The following FOXK2 variants were observed in gnomAD, a reference collection of about 807,000 sequenced individuals.
FOXK2 encodes the protein forkhead box K2.
Under a neutral mutation model 53.3 loss-of-function variants are expected in FOXK2, and 24 were observed. The observed-to-expected ratio is 0.45, with a 90% CI of 0.33 to 0.63. The LOEUF is 0.63. Ranked by LOEUF, FOXK2 falls within the 30% of genes least tolerant of loss-of-function variation. The pLI, the probability that FOXK2 is intolerant of heterozygous loss-of-function variation, is 0.03. For missense variants in FOXK2, 952 were observed against 910.5 expected (o/e 1.05, Z -0.59); for synonymous variants, 505 against 407.1 (o/e 1.24, Z -2.89).
chr17:82,577,169 A>G, intron 4 of FOXK2: 1 of 933,548 alleles, frequency 1.1e-6, no homozygotes, highest in South Asian at 1.4e-5. Context: ...TCTCAAAAAA[A>G]GAAAAAGAAA....
chr17:82,578,986 C>T lies in FOXK2; in HGVS notation c.910-3755C>T, dbSNP rs536129327. On this transcript the variant is annotated intron_variant, in intron 4 of 8. Transcript: ENST00000335255. ...AATGACTCCACATCAGTCAGTACAG[C>T]CACAGCCTTCACTTCGGGGCTTGTT... Among the ~76,000 whole-genome samples the T allele has an allele frequency of 3.3e-4, 50 of 152,334 alleles. 1 individual carries two copies. In the South Asian group the frequency reaches 9.3e-3, roughly 28 times the overall value.
intron 1 of FOXK2, among the ~76,000 whole-genome samples, chr17:82,550,707 A>G (rs923079015): frequency 5.9e-5 from 9 of 151,816 alleles, no homozygotes; most frequent in Non-Finnish European, 1.2e-4. Context: ...GGGTTTCACC[A>G]TGTTAGCCAG....
chr17:82,536,250 C>G (rs2044519724), intron 1 of FOXK2, among the ~76,000 whole-genome samples: 1 of 152,202 alleles, frequency 6.6e-6, no homozygotes, highest in Admixed American at 6.5e-5. Context: ...AATCCAGCAT[C>G]TGGCCTTCCC....
Position 82,586,258 on chromosome 17 carries a change from G to A in FOXK2, c.1576+58G>A, listed in dbSNP as rs879233902. On this transcript the variant is annotated intron_variant, in intron 7 of 8. Transcript: ENST00000335255. ...CACAGGGAGGTGAAAGGTGGGCCGG[G>A]GGGGGAAAGGAGGAGAGGGGAGACC... 109 of 354,934 alleles carry A rather than the reference G, an allele frequency of 3.1e-4. 5 individuals are homozygous for A. Among genetic ancestry groups the A allele is most frequent in the African/African-American group, 1.7e-3 (57 of 33,300 alleles). 22.0% of individuals were successfully genotyped at this position (354,934 alleles called of 1,614,324 possible).
At chr17:82,592,187 G>A (rs1267099373) in intron 8 of FOXK2, among the ~76,000 whole-genome samples, 1 of 152,238 alleles carries the variant, frequency 6.6e-6, no homozygotes, top group African/African-American at 2.4e-5. Context: ...TTACAGGTAC[G>A]AGCCAGCATA....
At chr17:82,582,340 G>A (rs2143091941) in intron 4 of FOXK2, among the ~76,000 whole-genome samples, 1 of 152,272 alleles carries the variant, frequency 6.6e-6, no homozygotes, top group East Asian at 1.9e-4. Context: ...GCCTCCCGGG[G>A]CCCGTTCTGC....
intron 1 of FOXK2, among the ~76,000 whole-genome samples, chr17:82,561,847 G>A (rs889333333): frequency 2.0e-5 from 3 of 151,708 alleles, no homozygotes; most frequent in Non-Finnish European, 4.4e-5. Flanking sequence ...CGTAGCCTCC[G>A]ACCTCCACAG....
intron 1 of FOXK2, among the ~76,000 whole-genome samples, chr17:82,560,025 T>TA (rs1250959249): frequency 1.6e-4 from 19 of 119,018 alleles, no homozygotes; most frequent in Admixed American, 1.4e-3. Context: ...TTTTTTTTTT[T>TA]AATGGAGTCT....
intron 8 of FOXK2, among the ~76,000 whole-genome samples, chr17:82,592,261 G>A (rs747510208): frequency 1.3e-5 from 2 of 152,208 alleles, no homozygotes; most frequent in Non-Finnish European, 2.9e-5. Context: ...CCAGGGCCTC[G>A]CCTGCTCAGT....
chr17:82,557,037 TA>T (rs201200639), intron 1 of FOXK2, among the ~76,000 whole-genome samples: 46 of 135,862 alleles, frequency 3.4e-4, no homozygotes, highest in African/African-American at 9.0e-4. Context: ...TATTATTTTT[TA>T]TTTTTTTTTT....
At chr17:82,554,122 G>T (rs187163077) in intron 1 of FOXK2, among the ~76,000 whole-genome samples, 1 of 152,186 alleles carries the variant, frequency 6.6e-6, no homozygotes, top group East Asian at 1.9e-4. Context: ...GTGAGCCACC[G>T]GACGTGGCCT....
chr17:82,577,574 G>A (rs763852755), intron 4 of FOXK2, among the ~76,000 whole-genome samples: 3 of 152,124 alleles, frequency 2.0e-5, no homozygotes, highest in Non-Finnish European at 2.9e-5. Context: ...TGTGCATACC[G>A]CCGACACTGC....
intron 1 of FOXK2, among the ~76,000 whole-genome samples, chr17:82,541,748 T>C (rs2044576765): frequency 1.3e-5 from 2 of 152,056 alleles, no homozygotes; most frequent in African/African-American, 4.8e-5. Context: ...TCTTACTTTG[T>C]TGCCCAGGCT....
chr17:82,595,393 G>A (rs1396326501), intron 8 of FOXK2, among the ~76,000 whole-genome samples: 2 of 152,112 alleles, frequency 1.3e-5, no homozygotes, highest in East Asian at 3.9e-4. Context: ...CCTTGAACTC[G>A]TGGGCTCAAG....
chr17:82,599,239 A>C (rs1255811425), intron 8 of FOXK2: 1 of 151,568 alleles, frequency 6.6e-6, no homozygotes, highest in Non-Finnish European at 1.5e-5. Context: ...TTGGGACTAT[A>C]GGCCCCCACC....
intron 1 of FOXK2, among the ~76,000 whole-genome samples, chr17:82,532,575 C>G (rs1183278960): frequency 6.6e-6 from 1 of 152,142 alleles, no homozygotes; most frequent in Non-Finnish European, 1.5e-5. Flanking sequence ...ATTGTGCAGA[C>G]ATAAAAAAAT....
intron 1 of FOXK2, among the ~76,000 whole-genome samples, chr17:82,524,090 T>C (rs1192212989): frequency 1.3e-5 from 2 of 152,016 alleles, no homozygotes; most frequent in Non-Finnish European, 2.9e-5. Context: ...AGTTTCACCA[T>C]GTTGGCCAGG....
intron 1 of FOXK2, among the ~76,000 whole-genome samples, chr17:82,522,414 G>C (rs1383712041): frequency 6.6e-6 from 1 of 151,140 alleles, no homozygotes; most frequent in Non-Finnish European, 1.5e-5. Flanking sequence ...TGTCCCCCAG[G>C]CTGGAGTGCA....
intron 1 of FOXK2, among the ~76,000 whole-genome samples, chr17:82,536,027 C>A (rs1281918717): frequency 1.3e-5 from 2 of 149,232 alleles, no homozygotes; most frequent in African/African-American, 5.0e-5. Context: ...TAGGTGTGAA[C>A]CACCGTGCCT....
Sources: allele counts gnomAD v4.1 joint callset (sites outside exome capture counted in the v4.1 genomes callset), GRCh38; gene constraint gnomAD v4.1.1; transcripts MANE v1.5; gene names NCBI Gene and HGNC (gene_info 2026-07-23, HGNC 2026-07-21).